VAPB: variants seen among roughly 807,000 people sequenced by gnomAD.
VAPB encodes the protein VAMP associated protein B and C.
VAPB carries 7 observed loss-of-function variants against 25.6 expected under a neutral mutation model. That is an observed-to-expected ratio of 0.27 (90% confidence interval 0.16 to 0.51). The LOEUF is 0.51. Among genes scored for constraint, VAPB ranks in the 20% least tolerant of loss-of-function variants. The pLI is 0.97. For synonymous variants in VAPB, 112 were observed against 109.2 expected (o/e 1.03, Z -0.16); for missense variants, 266 against 301.3 (o/e 0.88, Z 0.87).
At chr20:58,390,379 G>GTT (rs11475188) in intron 1 of VAPB, 10 of 133,344 alleles carry the variant, frequency 7.5e-5, no homozygotes, top group Non-Finnish European at 6.5e-5. Flanking sequence ...TGTTACTTTT[G>GTT]TTTTTTTTTT....
intron 3 of VAPB, 21 bp downstream of exon 3, chr20:58,434,726 A>AT (rs1271194698): frequency 8.4e-7 from 1 of 1,194,020 alleles, no homozygotes; most frequent in Admixed American, 1.7e-5. Flanking sequence ...AATGCTTCTT[A>AT]TTTTTTTCAG....
At position 58,447,837 on chromosome 20, in the gene VAPB, A is replaced by G. The variant is rs1013923007; in HGVS notation, c.*3602A>G. ...AGCTCCTTCTCTAAAGGAATGGCCC[A>G]TTTCTCATTGTAGTTTGAGAAATAC... On this transcript the variant is annotated 3_prime_UTR_variant, in exon 6 of 6. Transcript: ENST00000475243. 2.2e-6 allele frequency: 1 copy of G among 453,982 alleles called. No homozygotes were observed. The highest frequency in any genetic ancestry group is 2.0e-5 in the African/African-American group (1 of 50,006). The allele number at this position is 453,982 out of a possible 1,614,324, so 28.1% of individuals were successfully genotyped here.
intron 3 of VAPB, among the ~76,000 whole-genome samples, chr20:58,435,023 C>T (rs1989011122): frequency 6.6e-6 from 1 of 152,104 alleles, no homozygotes; most frequent in Non-Finnish European, 1.5e-5. Context: ...CTCCTTTCTG[C>T]CCCGACAGAA....
rs138225455 is a variant in VAPB, at chr20:58,445,684, CTGTGTGTGTGTGTGTG to C, written c.*1471_*1486del. On this transcript the variant is annotated 3_prime_UTR_variant, in exon 6 of 6. Transcript: ENST00000475243. ...GAAATACGTGTTTCATGATTTAACTCTGTGTGTGTGTGTGTGTGTGTGTGTGTGTGTGTGTGTATTT... is the reference window on the plus strand; with the variant it reads ...GAAATACGTGTTTCATGATTTAACTCTGTGTGTGTGTGTGTGTGTGTATTT... The C allele has an allele frequency of 4.6e-3, 1,994 of 432,688 alleles. 39 individuals carry two copies. The East Asian group carries it at 0.068, about 15-fold the overall frequency. The allele number at this position is 432,688 out of a possible 1,614,324, so 26.8% of individuals were successfully genotyped here.
At chr20:58,408,898 C>G (rs1390089006) in intron 1 of VAPB, among the ~76,000 whole-genome samples, 2 of 134,206 alleles carry the variant, frequency 1.5e-5, no homozygotes, top group East Asian at 4.7e-4. Context: ...ACACCCCCCC[C>G]CCCCACCCCG....
chr20:58,445,648 C>T lies in VAPB; in HGVS notation c.*1413C>T. 1 of 452,812 alleles carries T rather than the reference C, an allele frequency of 2.2e-6. No individual in the cohort carries two copies. The highest frequency in any genetic ancestry group is 1.6e-5 in the South Asian group (1 of 64,384). The allele number at this position is 452,812 out of a possible 1,614,324, so 28.0% of individuals were successfully genotyped here. A position where few individuals can be genotyped will look rare whatever the true frequency, so the allele number is the denominator to read the frequency against. ...TTGGAAGGTTAACTTTAAAATGAGC[C>T]CTATCACTGAGAAATACGTGTTTCA... is the stretch of plus-strand genomic sequence containing the variant. On this transcript the variant is annotated 3_prime_UTR_variant, in exon 6 of 6. Transcript: ENST00000475243.
At chr20:58,419,202 C>G (rs1732275888) in intron 2 of VAPB, among the ~76,000 whole-genome samples, 1 of 152,154 alleles carries the variant, frequency 6.6e-6, no homozygotes, top group Non-Finnish European at 1.5e-5. Context: ...ATGAGTATCT[C>G]TCTGGCTTTT....
At chr20:58,421,774 A>T (rs1297010846) in intron 2 of VAPB, among the ~76,000 whole-genome samples, 2 of 152,128 alleles carry the variant, frequency 1.3e-5, no homozygotes, top group African/African-American at 4.8e-5. Context: ...CTGCCCATGG[A>T]GCTGGCACCT....
chr20:58,425,685 G>A (rs889124904), intron 2 of VAPB, among the ~76,000 whole-genome samples: 2 of 152,100 alleles, frequency 1.3e-5, no homozygotes, highest in African/African-American at 4.8e-5. Flanking sequence ...GATTTTCCAG[G>A]TGTGTACCCT....
intron 1 of VAPB, among the ~76,000 whole-genome samples, chr20:58,414,412 C>G (rs1010982575): frequency 2.4e-4 from 36 of 150,994 alleles, no homozygotes; most frequent in African/African-American, 8.5e-4. Flanking sequence ...GGCGGAGAGG[C>G]TCCCCACCCC....
At position 58,450,483 on chromosome 20, in the gene VAPB, TC is replaced by T. The variant is rs1989420328; in HGVS notation, c.*6249del. ...GAGAAAAATGCAAAATATATTTGGT[TC>T]TCATTTCTGTTGCTGTCGTTTCCTT... is the stretch of plus-strand genomic sequence containing the variant. On this transcript the variant is annotated 3_prime_UTR_variant, in exon 6 of 6. Transcript: ENST00000475243. The T allele has an allele frequency of 2.2e-6, 1 of 453,970 alleles. No individual in the cohort carries two copies. Among genetic ancestry groups the T allele is most frequent in the African/African-American group, 2.0e-5 (1 of 49,990 alleles). The allele number at this position is 453,970 out of a possible 1,614,324, so 28.1% of individuals were successfully genotyped here. A position where few individuals can be genotyped will look rare whatever the true frequency, so the allele number is the denominator to read the frequency against.
chr20:58,419,726 T>C (rs1353601213), intron 2 of VAPB, among the ~76,000 whole-genome samples: 1 of 152,162 alleles, frequency 6.6e-6, no homozygotes, highest in African/African-American at 2.4e-5. Context: ...ATATGTATGG[T>C]TTAAATTTTT....
At chr20:58,389,654 C>T (rs1038675479) in intron 1 of VAPB, 137 bp downstream of exon 1, 19 of 909,236 alleles carry the variant, frequency 2.1e-5, no homozygotes, top group African/African-American at 5.4e-5. Flanking sequence ...GAGGCCGGGC[C>T]GGGCCTTGGC....
At chr20:58,394,395 C>T (rs1987896930) in intron 1 of VAPB, among the ~76,000 whole-genome samples, 1 of 152,220 alleles carries the variant, frequency 6.6e-6, no homozygotes, top group Admixed American at 6.5e-5. Flanking sequence ...ATGCCAAGTA[C>T]AGCATTAATT....
chr20:58,447,666 GT>G lies in VAPB; in HGVS notation c.*3432del, dbSNP rs1989328284. On this transcript the variant is annotated 3_prime_UTR_variant, in exon 6 of 6. Coordinates refer to ENST00000475243, the MANE Select transcript of VAPB (RefSeq NM_004738.5). ...AAACAGACTCTGTGTGTGTGTGCAT[GT>G]GTGCATGTGTGCATGTGTGGCATAT... 2.3e-6 allele frequency: 1 copy of G among 431,848 alleles called. No individual in the cohort carries two copies. The highest frequency in any genetic ancestry group is 4.7e-6 in the Non-Finnish European group (1 of 214,836). 26.8% of individuals were successfully genotyped at this position (431,848 alleles called of 1,614,324 possible).
At chr20:58,427,011 C>A (rs950575980) in intron 2 of VAPB, among the ~76,000 whole-genome samples, 1 of 151,502 alleles carries the variant, frequency 6.6e-6, no homozygotes, top group African/African-American at 2.4e-5. Context: ...TGATCTTTTA[C>A]CATTATGATG....
chr20:58,449,584 C>T lies in VAPB; in HGVS notation c.*5349C>T, dbSNP rs1011557475. The T allele has an allele frequency of 1.3e-5, 6 of 453,962 alleles. No individual in the cohort carries two copies. The highest frequency in any genetic ancestry group is 1.0e-4 in the African/African-American group (5 of 50,056). The allele number at this position is 453,962 out of a possible 1,614,324, so 28.1% of individuals were successfully genotyped here. A position where few individuals can be genotyped will look rare whatever the true frequency, so the allele number is the denominator to read the frequency against. The stretch of plus-strand genomic sequence containing the variant: ...GCAGTTATGATACCTTGGAATGTTG[C>T]CACGATATGGATTGCTTTGATTAAA... On this transcript the variant is annotated 3_prime_UTR_variant, in exon 6 of 6. Transcript: ENST00000475243.
Position 58,449,934 on chromosome 20 carries a change from C to CA in VAPB, c.*5699_*5700insA, listed in dbSNP as rs886056830. ...GTCTGACTGAAATAAAACAGGTTCCCTTTTTTTTTCCCTTTGGAAAATGCC... is the reference window on the plus strand; with the variant it reads ...GTCTGACTGAAATAAAACAGGTTCCCATTTTTTTTTCCCTTTGGAAAATGCC... On this transcript the variant is annotated 3_prime_UTR_variant, in exon 6 of 6. Coordinates refer to ENST00000475243, the MANE Select transcript of VAPB (RefSeq NM_004738.5). The CA allele has an allele frequency of 6.6e-6, 3 of 453,106 alleles. No homozygotes were observed. The Admixed American group carries it at 7.1e-5, about 11-fold the overall frequency. The allele number at this position is 453,106 out of a possible 1,614,324, so 28.1% of individuals were successfully genotyped here.
Position 58,446,009 on chromosome 20 carries a change from C to A in VAPB, c.*1774C>A, listed in dbSNP as rs1165586583. 2.2e-6 allele frequency: 1 copy of A among 453,944 alleles called. No homozygotes were observed. The highest frequency in any genetic ancestry group is 7.0e-5 in the East Asian group (1 of 14,386). 28.1% of individuals were successfully genotyped at this position (453,944 alleles called of 1,614,324 possible). On this transcript the variant is annotated 3_prime_UTR_variant, in exon 6 of 6. Transcript: ENST00000475243. ...TGGCTCTGTCAAGCTGGGTCAGGGGCCTTGAAACTGGAGAAGTGGAAGTCT... is the reference window on the plus strand; with the variant it reads ...TGGCTCTGTCAAGCTGGGTCAGGGGACTTGAAACTGGAGAAGTGGAAGTCT...
Sources: gnomAD v4.1 joint callset for allele counts (sites outside exome capture counted in the v4.1 genomes callset) on GRCh38, gnomAD v4.1.1 for gene constraint, MANE v1.5 for transcripts, NCBI Gene and HGNC (gene_info 2026-07-23, HGNC 2026-07-21) for gene names.